The following DZIP3 variants were observed in gnomAD, a reference collection of about 807,000 sequenced individuals.
The protein encoded by DZIP3 is DAZ interacting zinc finger protein 3, also known as E3 ubiquitin-protein ligase DZIP3.
A neutral mutation model predicts 162.0 loss-of-function variants in DZIP3; 118 were observed. The observed-to-expected ratio is 0.73, with a 90% CI of 0.63 to 0.85. DZIP3 has a LOEUF of 0.85. Among genes scored for constraint, DZIP3 ranks in the 40% least tolerant of loss-of-function variants. The probability of loss-of-function intolerance (pLI) is 0.00; values close to 1 mark genes in which losing one functional copy is unlikely to be tolerated. For synonymous variants in DZIP3, 438 were observed against 458.6 expected (o/e 0.96, Z 0.57); for missense variants, 1,331 against 1,407.0 (o/e 0.95, Z 0.86).
chr3:108,604,163 T>G (rs1399776478), intron 1 of DZIP3, among the ~76,000 whole-genome samples: 1 of 152,228 alleles, frequency 6.6e-6, no homozygotes, highest in Non-Finnish European at 1.5e-5. Flanking sequence ...ACCAATCTAA[T>G]TTATGGAATT....
chr3:108,625,956 T>C lies in DZIP3; in HGVS notation c.568T>C (p.Cys190Arg), dbSNP rs750802024. ...LVYFGRGLLR[C>R]AQKRYNGGLL... Reference sequence around the variant, plus strand: ...TTATTTTGGACGTGGTTTACTGCGATGTGCTCAAAAGAGGTAAGGATTTTA... The same window carrying C: ...TTATTTTGGACGTGGTTTACTGCGACGTGCTCAAAAGAGGTAAGGATTTTA... Residue 190 changes from cysteine to arginine, a missense_variant, in exon 7 of 33, where the codon TGT (cysteine) becomes CGT (arginine). Physicochemically the swap from Cys to Arg is radical, Grantham distance 180. Transcript: ENST00000361582. 12 of 1,612,682 alleles carry C rather than the reference T, an allele frequency of 7.4e-6. No individual in the cohort carries two copies. Among genetic ancestry groups the C allele is most frequent in the African/African-American group, 1.3e-5 (1 of 74,994 alleles).
intron 28 of DZIP3, among the ~76,000 whole-genome samples, chr3:108,686,896 C>A (rs1944518894): frequency 6.6e-6 from 1 of 152,140 alleles, no homozygotes; most frequent in Non-Finnish European, 1.5e-5. Flanking sequence ...CCATTATTAT[C>A]TTAACCTATC....
At chr3:108,631,075 T>TCC in intron 8 of DZIP3, among the ~76,000 whole-genome samples, 1 of 125,972 alleles carries the variant, frequency 7.9e-6, no homozygotes, top group South Asian at 2.7e-4. Flanking sequence ...TCTCTCTCTC[T>TCC]CTCTCTCTCT....
At chr3:108,604,829 GAA>G (rs200810364) in intron 1 of DZIP3, among the ~76,000 whole-genome samples, 2,119 of 152,252 alleles carry the variant, frequency 0.014, 53 homozygotes, top group African/African-American at 0.049. Flanking sequence ...ATTGAACAAT[GAA>G]ATATTTGTGT....
intron 12 of DZIP3, among the ~76,000 whole-genome samples, chr3:108,637,807 TA>T (rs1942226301): frequency 1.3e-5 from 2 of 152,204 alleles, no homozygotes; most frequent in Non-Finnish European, 2.9e-5. Context: ...TAAACAAACA[TA>T]TTTTTCTTAA....
At chr3:108,669,559 C>A (rs748847855) in intron 21 of DZIP3, 122 bp from the exon 22 acceptor site, 5 of 768,888 alleles carry the variant, frequency 6.5e-6, no homozygotes, top group Admixed American at 5.5e-5. Flanking sequence ...TATTCAGGCT[C>A]AAGATTTGTG....
intron 8 of DZIP3, among the ~76,000 whole-genome samples, chr3:108,632,036 C>T (rs1243508908): frequency 6.6e-6 from 1 of 151,998 alleles, no homozygotes; most frequent in Non-Finnish European, 1.5e-5. Flanking sequence ...CTACATTGAG[C>T]CGATATTTGT....
rs1943009205 is a variant in DZIP3, at chr3:108,654,260, G to T, written c.2149G>T (p.Asp717Tyr). ...TGTTCAAGAGGATTCTGCAATGGAA[G>T]ACAAGTTCTATAGCCTGGATGAATT... ...SDVQEDSAME[D>Y]KFYSLDELHI... The change falls in exon 19 of 33, where the codon GAC becomes TAC. Residue 717 changes from aspartate to tyrosine, a missense_variant. Asp to Tyr is a radical substitution (Grantham distance 160). Coordinates refer to ENST00000361582, the MANE Select transcript of DZIP3 (RefSeq NM_014648.4). 6.2e-7 allele frequency: 1 copy of T among 1,613,820 alleles called. No homozygotes were observed. Among genetic ancestry groups the T allele is most frequent in the Non-Finnish European group, 8.5e-7 (1 of 1,179,764 alleles).
intron 1 of DZIP3, among the ~76,000 whole-genome samples, chr3:108,602,458 T>C (rs896261876): frequency 3.9e-5 from 6 of 152,190 alleles, no homozygotes; most frequent in Non-Finnish European, 2.9e-5. Context: ...AAAGGTGTGC[T>C]GTAAATTGAC....
chr3:108,595,867 C>T (rs1012623050), intron 1 of DZIP3, among the ~76,000 whole-genome samples: 4 of 152,206 alleles, frequency 2.6e-5, no homozygotes, highest in Admixed American at 6.5e-5. Flanking sequence ...TTCATTCATT[C>T]ATCTCCTGTA....
chr3:108,659,025 A>G (rs977787513), intron 19 of DZIP3, among the ~76,000 whole-genome samples: 13 of 152,222 alleles, frequency 8.5e-5, no homozygotes, highest in African/African-American at 3.1e-4. Context: ...AAAAAAGTCC[A>G]GGACCAGATG....
intron 31 of DZIP3, among the ~76,000 whole-genome samples, chr3:108,690,202 T>C (rs1944642217): frequency 6.6e-6 from 1 of 152,240 alleles, no homozygotes; most frequent in Admixed American, 6.5e-5. Flanking sequence ...ATAGTGCTTA[T>C]TATTAATCCT....
chr3:108,651,110 A>G, intron 17 of DZIP3, 27 bp from the exon 18 acceptor site: 1 of 691,152 alleles, frequency 1.4e-6, no homozygotes, highest in Non-Finnish European at 2.1e-6. Context: ...GTTGATATAG[A>G]TTACTAATTC....
intron 27 of DZIP3, among the ~76,000 whole-genome samples, chr3:108,684,622 G>A (rs1406719865): frequency 6.6e-6 from 1 of 152,118 alleles, no homozygotes; most frequent in Non-Finnish European, 1.5e-5. Flanking sequence ...ACAATGCAGG[G>A]TAAATTGACA....
At chr3:108,640,371 C>CTTTTTTTTTTTT in intron 12 of DZIP3, among the ~76,000 whole-genome samples, 1 of 141,668 alleles carries the variant, frequency 7.1e-6, no homozygotes, top group Admixed American at 7.0e-5. Context: ...TTATTAAATG[C>CTTTTTTTTTTTT]TACACACACA....
rs562197845 is a variant in DZIP3 at position 108,692,723 on chromosome 3, G to A, written c.*7-637G>A. On this transcript the variant is annotated intron_variant, in intron 32 of 32. Coordinates refer to ENST00000361582, the MANE Select transcript of DZIP3 (RefSeq NM_014648.4). ...AGGGATTCTGAATCAACAGGTTTGC[G>A]ATGGGTCCAGATAGTTTACTTTTCC... 1.0e-3 allele frequency among the ~76,000 whole-genome samples: 158 copies of A among 152,154 alleles called. 1 individual carries two copies. Among genetic ancestry groups the A allele is most frequent in the South Asian group, 6.8e-3 (33 of 4,818 alleles).
intron 12 of DZIP3, among the ~76,000 whole-genome samples, chr3:108,640,807 T>C (rs1008623884): frequency 6.6e-6 from 1 of 152,184 alleles, no homozygotes; most frequent in Non-Finnish European, 1.5e-5. Flanking sequence ...GATATTAATA[T>C]AGCTACTCCA....
At chr3:108,675,636 C>T (rs1238286333) in intron 24 of DZIP3, 150 bp from the exon 25 acceptor site, 3 of 527,038 alleles carry the variant, frequency 5.7e-6, no homozygotes, top group Admixed American at 4.0e-5. Flanking sequence ...CCTGTCCATA[C>T]CTCTTTATGT....
intron 14 of DZIP3, 56 bp from the exon 15 acceptor site, chr3:108,646,561 C>T: frequency 8.3e-7 from 1 of 1,209,254 alleles, no homozygotes; most frequent in Non-Finnish European, 1.2e-6. Context: ...CCTAGCCAGA[C>T]ATTCATTTGT....
Sources: allele counts gnomAD v4.1 joint callset (sites outside exome capture counted in the v4.1 genomes callset), GRCh38; gene constraint gnomAD v4.1.1; transcripts MANE v1.5; gene names NCBI Gene and HGNC (gene_info 2026-07-23, HGNC 2026-07-21).